Variants in WDFY3 observed in about 807,000 individuals in gnomAD.
WDFY3 encodes the protein WD repeat and FYVE domain containing 3.
WDFY3 carries 66 observed loss-of-function variants against 409.6 expected under a neutral mutation model. The observed-to-expected ratio is 0.16, with a 90% CI of 0.13 to 0.20. The LOEUF (loss-of-function observed/expected upper bound fraction) is 0.20. Among genes scored for constraint, WDFY3 ranks in the 10% least tolerant of loss-of-function variants. The pLI, the probability that WDFY3 is intolerant of heterozygous loss-of-function variation, is 1.00. For missense variants in WDFY3, 3,031 were observed against 4,298.1 expected (o/e 0.71, Z 8.24); for synonymous variants, 1,521 against 1,537.1 (o/e 0.99, Z 0.25).
intron 51 of WDFY3, among the ~76,000 whole-genome samples, chr4:84,710,963 G>A (rs575292790): frequency 6.6e-6 from 1 of 152,210 alleles, no homozygotes; most frequent in Admixed American, 6.5e-5. Context: ...TTAAGGCTTG[G>A]CTATAGAAAA....
intron 39 of WDFY3, 53 bp downstream of exon 39, chr4:84,740,134 G>A: frequency 6.5e-7 from 1 of 1,549,500 alleles, no homozygotes; most frequent in Middle Eastern, 1.7e-4. Context: ...GAATTTTGTT[G>A]GAATAACATC....
intron 4 of WDFY3, among the ~76,000 whole-genome samples, chr4:84,853,084 G>A (rs1468735001): frequency 6.6e-6 from 1 of 152,010 alleles, no homozygotes; most frequent in Non-Finnish European, 1.5e-5. Context: ...TTAACAAACT[G>A]AAGACTGATA....
chr4:84,789,651 ACACACACACACACACACACC>A (rs1018186422), intron 22 of WDFY3, 55 bp downstream of exon 22: 10 of 1,388,700 alleles, frequency 7.2e-6, no homozygotes, highest in African/African-American at 1.5e-5. Context: ...ACACACACAC[ACACACACACACACACACACC>A]CCCCAAACTA....
chr4:84,954,118 GA>G (rs1773953675), intron 1 of WDFY3, among the ~76,000 whole-genome samples: 1 of 151,904 alleles, frequency 6.6e-6, no homozygotes, highest in South Asian at 2.1e-4. Flanking sequence ...TCATCTTTAG[GA>G]AAAAAAGCTT....
Position 84,786,011 on chromosome 4 carries a change from T to C in WDFY3, c.4030A>G (p.Asn1344Asp). ...GCAATGGCTTTGCTATCCAATTTGT[T>C]ATACACTTTCCGGATTCTTGCCACT... ...LTVARIRKVY[N>D]KLDSKAIAKQ... is the part of the protein sequence containing the mutation. The change falls in exon 24 of 68, where the codon AAC becomes GAC. Residue 1344 changes from asparagine (N) to aspartate (D), a missense_variant. Physicochemically the swap from Asn to Asp is conservative, Grantham distance 23. Around this residue, in one of 16 missense-constraint regions of WDFY3, gnomAD observed 1,322 missense variants for 1,697.9 expected, o/e 0.78. Transcript: ENST00000295888. 6.2e-7 allele frequency: 1 copy of C among 1,613,934 alleles called. No homozygotes were observed. The highest frequency in any genetic ancestry group is 8.5e-7 in the Non-Finnish European group (1 of 1,179,922).
At chr4:84,772,770 C>T in intron 30 of WDFY3, 65 bp downstream of exon 30, 1 of 1,310,182 alleles carries the variant, frequency 7.6e-7, no homozygotes, top group Non-Finnish European at 1.1e-6. Context: ...CTAATTTGGG[C>T]CAGAAGAAAA....
chr4:84,764,250 T>C (rs1304247692), intron 32 of WDFY3, among the ~76,000 whole-genome samples: 2 of 152,202 alleles, frequency 1.3e-5, no homozygotes, highest in South Asian at 2.1e-4. Flanking sequence ...TCACATTCAG[T>C]TGTGCCTTTC....
chr4:84,886,581 T>C (rs1454769139), intron 3 of WDFY3: 2 of 152,090 alleles, frequency 1.3e-5, no homozygotes, highest in African/African-American at 2.4e-5. Context: ...CAAAAAAAAT[T>C]CCTTAAAATA....
At chr4:84,881,655 G>C (rs1331752538) in intron 3 of WDFY3, among the ~76,000 whole-genome samples, 1 of 151,826 alleles carries the variant, frequency 6.6e-6, no homozygotes, top group African/African-American at 2.4e-5. Flanking sequence ...GGGAGGGCGA[G>C]GCAAGCTGAT....
At chr4:84,839,489 G>C (rs1419282750) in intron 6 of WDFY3, among the ~76,000 whole-genome samples, 1 of 151,898 alleles carries the variant, frequency 6.6e-6, no homozygotes, top group African/African-American at 2.4e-5. Context: ...TGAGATGCAG[G>C]CCTTCCTATC....
intron 62 of WDFY3, among the ~76,000 whole-genome samples, chr4:84,686,492 TA>T (rs1227321439): frequency 5.3e-5 from 8 of 152,196 alleles, no homozygotes; most frequent in African/African-American, 1.9e-4. Context: ...AATAAGTGAC[TA>T]CAAGATAGTT....
Position 84,751,464 on chromosome 4 carries a change from T to C in WDFY3, c.5973+19A>G, listed in dbSNP as rs997230521. 1 of 1,610,888 alleles carries C rather than the reference T, an allele frequency of 6.2e-7. No homozygotes were observed. The highest frequency in any genetic ancestry group is 8.5e-7 in the Non-Finnish European group (1 of 1,177,082). ...AAAAGTAATGCAAAAGAGATGTAAA[T>C]GCGTTTCTTTTTCTTTACCTCCAAC... On this transcript the variant is annotated intron_variant, in intron 36 of 67. Coordinates refer to ENST00000295888, the MANE Select transcript of WDFY3 (RefSeq NM_014991.6).
intron 35 of WDFY3, 78 bp downstream of exon 35, chr4:84,753,619 C>A (rs1057000839): frequency 1.4e-6 from 2 of 1,414,100 alleles, no homozygotes; most frequent in East Asian, 2.5e-5. Flanking sequence ...CAAAAAAAAT[C>A]TGCTAACCAT....
intron 1 of WDFY3, among the ~76,000 whole-genome samples, chr4:84,953,819 A>C (rs1445118596): frequency 6.6e-6 from 1 of 152,144 alleles, no homozygotes; most frequent in African/African-American, 2.4e-5. Context: ...TTTTGATATA[A>C]ATAAATTTCA....
At chr4:84,897,620 G>A (rs1042872411) in intron 2 of WDFY3, among the ~76,000 whole-genome samples, 3 of 152,074 alleles carry the variant, frequency 2.0e-5, no homozygotes, top group Non-Finnish European at 4.4e-5. Context: ...CTGACCTCAG[G>A]TGATCTGCCC....
intron 12 of WDFY3, among the ~76,000 whole-genome samples, chr4:84,819,538 C>A (rs1292464595): frequency 1.3e-5 from 2 of 152,008 alleles, no homozygotes; most frequent in Non-Finnish European, 1.5e-5. Context: ...TTTTAAAAAG[C>A]AAGAGTGATA....
At chr4:84,686,077 G>A (rs375551800) in intron 62 of WDFY3, among the ~76,000 whole-genome samples, 3 of 152,066 alleles carry the variant, frequency 2.0e-5, no homozygotes, top group Admixed American at 2.0e-4. Context: ...AGGCCGAGGC[G>A]GGCAGATCAC....
chr4:84,815,537 C>G (rs1753166272), intron 13 of WDFY3, among the ~76,000 whole-genome samples: 1 of 152,174 alleles, frequency 6.6e-6, no homozygotes, highest in South Asian at 2.1e-4. Context: ...ACTTCAACCT[C>G]TACTTTTTGG....
intron 1 of WDFY3, among the ~76,000 whole-genome samples, chr4:84,954,950 A>G (rs1049066402): frequency 6.6e-6 from 1 of 152,160 alleles, no homozygotes; most frequent in Non-Finnish European, 1.5e-5. Context: ...CGCTCCTGTA[A>G]TTTTGGCACT....
Sources: allele counts gnomAD v4.1 joint callset (sites outside exome capture counted in the v4.1 genomes callset), GRCh38; gene constraint gnomAD v4.1.1; regional missense constraint gnomAD v4.1.1; transcripts MANE v1.5; gene names NCBI Gene and HGNC (gene_info 2026-07-23, HGNC 2026-07-21).